Variants in TRIM16 observed in about 807,000 individuals in gnomAD.
The protein encoded by TRIM16 is tripartite motif-containing protein 16.
A neutral mutation model predicts 50.4 loss-of-function variants in TRIM16; 33 were observed. That is an observed-to-expected ratio of 0.65 (90% confidence interval 0.50 to 0.88). TRIM16 has a LOEUF of 0.88. Ranked by LOEUF, TRIM16 falls within the 40% of genes least tolerant of loss-of-function variation. The probability of loss-of-function intolerance (pLI) is 0.00; values close to 1 mark genes in which losing one functional copy is unlikely to be tolerated. For missense variants in TRIM16, 581 were observed against 686.8 expected, an observed-to-expected ratio of 0.85 and a Z score of 1.72; for synonymous variants, 229 against 270.7, an observed-to-expected ratio of 0.85 and a Z score of 1.51.
At position 15,634,377 on chromosome 17, in the gene TRIM16, C is replaced by T. The variant is rs766972607; in HGVS notation, c.849+1659G>A. Reference sequence around the variant, plus strand: ...GGGCGCGGTGGCTCACTCCTGTAATCGCAACACTTTGGGAGGCCGAGGCGG... The same window carrying T: ...GGGCGCGGTGGCTCACTCCTGTAATTGCAACACTTTGGGAGGCCGAGGCGG... On this transcript the variant is annotated intron_variant, in intron 9 of 11. Coordinates refer to ENST00000649191, the MANE Select transcript of TRIM16 (RefSeq NM_001348119.1). Among the ~76,000 whole-genome samples the T allele has an allele frequency of 1.5e-3, 214 of 147,030 alleles. 12 individuals carry two copies. Among genetic ancestry groups the T allele is most frequent in the Non-Finnish European group, 2.3e-3 (155 of 66,674 alleles).
intron 6 of TRIM16, among the ~76,000 whole-genome samples, chr17:15,660,970 C>A (rs1223560870): frequency 6.6e-6 from 1 of 151,144 alleles, no homozygotes; most frequent in Admixed American, 6.6e-5. Context: ...TAACCACTGC[C>A]TTGTCAAGAG....
chr17:15,636,125 G>C lies in TRIM16; in HGVS notation c.760C>G (p.His254Asp), dbSNP rs771783152. 1.9e-6 allele frequency: 3 copies of C among 1,609,988 alleles called. No individual in the cohort carries two copies. The highest frequency in any genetic ancestry group is 2.5e-6 in the Non-Finnish European group (3 of 1,178,938). Reference protein sequence around the residue: ...ALSQANGIKAHLEYRSAEMEK... With the variant: ...ALSQANGIKADLEYRSAEMEK... ...ATCTCGGCACTCCTGTACTCCAGGT[G>C]GGCCTTGATACCGTTGGCCTGGCTC... Residue 254 changes from histidine to aspartate, a missense_variant, in exon 9 of 12, where the codon CAC becomes GAC. Transcript: ENST00000649191.
intron 6 of TRIM16, among the ~76,000 whole-genome samples, chr17:15,676,473 C>CA (rs1988952795): frequency 6.7e-6 from 1 of 149,870 alleles, no homozygotes; most frequent in Non-Finnish European, 1.5e-5. Context: ...CTCGCTCTGT[C>CA]ACCCAGGCTG....
intron 8 of TRIM16, among the ~76,000 whole-genome samples, chr17:15,639,346 G>A (rs998896812): frequency 6.7e-6 from 1 of 148,354 alleles, no homozygotes; most frequent in Non-Finnish European, 1.5e-5. Flanking sequence ...GTGGGATTAC[G>A]TCCAGCCTAC....
At chr17:15,653,112 C>T (rs1567679458) in intron 6 of TRIM16, among the ~76,000 whole-genome samples, 1 of 152,044 alleles carries the variant, frequency 6.6e-6, no homozygotes, top group South Asian at 2.1e-4. Flanking sequence ...AGTGAGTTCT[C>T]GTTCTATCAA....
chr17:15,673,815 A>G (rs1193058990), intron 6 of TRIM16, among the ~76,000 whole-genome samples: 5 of 152,266 alleles, frequency 3.3e-5, no homozygotes, highest in African/African-American at 1.2e-4. Context: ...AGGCAGCCTC[A>G]AGTAACTTAA....
intron 6 of TRIM16, among the ~76,000 whole-genome samples, chr17:15,675,065 G>C (rs1000568768): frequency 2.0e-5 from 3 of 151,848 alleles, no homozygotes; most frequent in Admixed American, 6.6e-5. Context: ...TATTCCTGAG[G>C]CCAGGGAAGG....
intron 11 of TRIM16, among the ~76,000 whole-genome samples, chr17:15,630,894 T>C (rs1397012150): frequency 6.6e-6 from 1 of 151,768 alleles, no homozygotes; most frequent in Non-Finnish European, 1.5e-5. Context: ...TTAGTGACTG[T>C]TTATGTCAAT....
At chr17:15,664,399 G>A (rs1377867949) in intron 6 of TRIM16, among the ~76,000 whole-genome samples, 1 of 152,210 alleles carries the variant, frequency 6.6e-6, no homozygotes, top group Non-Finnish European at 1.5e-5. Flanking sequence ...AGAGCTGGAG[G>A]AGAGTGAAAG....
At chr17:15,649,056 T>C (rs1472385486) in intron 7 of TRIM16, among the ~76,000 whole-genome samples, 2 of 152,180 alleles carry the variant, frequency 1.3e-5, no homozygotes, top group African/African-American at 2.4e-5. Context: ...GCGCGTGCTC[T>C]ACACAACTCC....
intron 6 of TRIM16, 65 bp downstream of exon 6, chr17:15,677,111 G>A (rs921319835): frequency 1.4e-5 from 13 of 948,038 alleles, no homozygotes; most frequent in African/African-American, 7.1e-5. Flanking sequence ...CTACAGGCCC[G>A]GAGGATTTGG....
At chr17:15,648,730 T>C (rs1731567441) in intron 7 of TRIM16, among the ~76,000 whole-genome samples, 1 of 152,210 alleles carries the variant, frequency 6.6e-6, no homozygotes, top group Admixed American at 6.5e-5. Context: ...GTACTGTGTC[T>C]TCTAGGCTGG....
In TRIM16 at chr17:15,660,620, C is replaced by T. The variant is rs755413534; in HGVS notation, c.-337-8674G>A. On this transcript the variant is annotated intron_variant, in intron 6 of 11. Transcript: ENST00000649191. ...AATGCTCGAAAGAATACAGAGGGGC[C>T]GGGCGCGGTGGCTCACACCTGTAAT... Among the ~76,000 whole-genome samples the T allele has an allele frequency of 1.4e-4, 22 of 152,058 alleles. 1 individual carries two copies. Among genetic ancestry groups the T allele is most frequent in the Non-Finnish European group, 2.8e-4 (19 of 67,996 alleles).
In TRIM16 at chr17:15,651,519, T is replaced by G. The variant is rs1987705472; in HGVS notation, c.91A>C (p.Ser31Arg). ...APLSPDSGSP[S>R]PDSGSASPVE... ...GGGCTGGCTGACCCAGAATCTGGGC[T>G]GGGTGACCCAGAGTCTGGGCTGAGA... The change falls in exon 7 of 12, where the codon AGC becomes CGC. Residue 31 changes from serine (S) to arginine (R), a missense_variant. Ser to Arg is a moderately radical substitution (Grantham distance 110). This residue lies in a region of TRIM16 where 450 missense variants were observed against 544.3 expected (regional missense o/e 0.83). Transcript: ENST00000649191. The G allele has an allele frequency of 6.2e-7, 1 of 1,613,356 alleles. No homozygotes were observed. Among genetic ancestry groups the G allele is most frequent in the African/African-American group, 1.3e-5 (1 of 74,906 alleles).
At position 15,651,555 on chromosome 17, in the gene TRIM16, G is replaced by A. The variant is rs778090870; in HGVS notation, c.55C>T (p.Pro19Ser). 3.7e-6 allele frequency: 6 copies of A among 1,614,034 alleles called. No homozygotes were observed. Among genetic ancestry groups the A allele is most frequent in the Admixed American group, 3.3e-5 (2 of 60,018 alleles). ...GAGTCTGGGCTGAGAGGGGCTGGGG[G>A]CTGAGCAGTGGCCCTGGGCAGTGGC... Reference protein sequence around the residue: ...PGPLPRATAQPPAPLSPDSGS... With the variant: ...PGPLPRATAQSPAPLSPDSGS... The change falls in exon 7 of 12, where the codon CCC becomes TCC. Residue 19 changes from proline (P) to serine (S), a missense_variant. Around this residue, in one of 3 missense-constraint regions of TRIM16, gnomAD observed 450 missense variants for 544.3 expected, o/e 0.83. Transcript: ENST00000649191.
At chr17:15,682,818 T>C (rs775877033) in intron 3 of TRIM16, 36 bp downstream of exon 3, 5 of 1,397,762 alleles carry the variant, frequency 3.6e-6, no homozygotes, top group Non-Finnish European at 4.6e-6. Context: ...TAAAAGGGAA[T>C]ATTAGTAAAA....
intron 9 of TRIM16, 92 bp downstream of exon 9, chr17:15,635,944 A>T: frequency 1.6e-6 from 2 of 1,218,696 alleles, no homozygotes; most frequent in Middle Eastern, 2.3e-4. Context: ...TTAACAAAAA[A>T]CAGTTCCATT....
In TRIM16 at chr17:15,628,293, C is replaced by G. The variant is rs1409860934; in HGVS notation, c.*322G>C. The G allele has an allele frequency of 2.3e-5, 5 of 220,150 alleles. No individual in the cohort carries two copies. Among genetic ancestry groups the G allele is most frequent in the Admixed American group, 5.3e-5 (1 of 19,008 alleles). The allele number at this position is 220,150 out of a possible 1,614,324, so 13.6% of individuals were successfully genotyped here. ...GTGTGGTGGCAGGCACCTGTAATCC[C>G]AGCTACTCGGGAGGCTGAGGCAGGA... On this transcript the variant is annotated 3_prime_UTR_variant, in exon 12 of 12. Coordinates refer to ENST00000649191, the MANE Select transcript of TRIM16 (RefSeq NM_001348119.1).
chr17:15,663,896 G>A (rs1291275379), intron 6 of TRIM16, among the ~76,000 whole-genome samples: 2 of 152,178 alleles, frequency 1.3e-5, no homozygotes, highest in African/African-American at 4.8e-5. Flanking sequence ...TTGGGTTATG[G>A]GTCTCCCATG....
Sources: gnomAD v4.1 joint callset for allele counts (sites outside exome capture counted in the v4.1 genomes callset) on GRCh38, gnomAD v4.1.1 for gene constraint, gnomAD v4.1.1 regional missense constraint, MANE v1.5 for transcripts, NCBI Gene and HGNC (gene_info 2026-07-23, HGNC 2026-07-21) for gene names.